The following MARK4 variants were observed in gnomAD, a reference collection of about 807,000 sequenced individuals.
MARK4 encodes microtubule affinity regulating kinase 4, also known as MAP/microtubule affinity-regulating kinase 4.
MARK4 carries 19 observed loss-of-function variants against 81.5 expected under a neutral mutation model. That is an observed-to-expected ratio of 0.23 (90% CI 0.16 to 0.34). MARK4 has a LOEUF of 0.34. MARK4 is among the 10% of genes least tolerant of loss of function. The pLI, the probability that MARK4 is intolerant of heterozygous loss-of-function variation, is 1.00. For synonymous variants in MARK4, 436 were observed against 439.0 expected (o/e 0.99, Z 0.08); for missense variants, 772 against 1,058.8 (o/e 0.73, Z 3.76).
rs1250225304 is a variant in MARK4, at chr19:45,291,634, T to C, written c.1495-2715T>C. 9.9e-5 allele frequency among the ~76,000 whole-genome samples: 15 copies of C among 152,034 alleles called. No individual in the cohort carries two copies. In the South Asian group the frequency reaches 2.3e-3, roughly 23 times the overall value. ...CATCTCTACTAAAAATACAAAAAAT[T>C]AGCCGGGCTTGGTGGCGGGCACCTG... On this transcript the variant is annotated intron_variant, in intron 13 of 16. Coordinates refer to ENST00000262891, the MANE Select transcript of MARK4 (RefSeq NM_001199867.2).
rs1314004277 is a variant in MARK4 at position 45,304,347 on chromosome 19, C to T, written c.*1637C>T. The T allele has an allele frequency of 6.6e-6, 1 of 152,234 alleles. No homozygotes were observed. Among genetic ancestry groups the T allele is most frequent in the African/African-American group, 2.4e-5 (1 of 41,448 alleles). 9.4% of individuals were successfully genotyped at this position (152,234 alleles called of 1,614,324 possible). ...ATTTTCTCTAAACCAATCACTGTGA[C>T]TCTAGAGTGGCCAGACTCAGAGCTG... On this transcript the variant is annotated 3_prime_UTR_variant, in exon 17 of 17. Coordinates refer to ENST00000262891, the MANE Select transcript of MARK4 (RefSeq NM_001199867.2).
rs1970994540 is a variant in MARK4 at position 45,302,703 on chromosome 19, A to T, written c.2252A>T (p.Glu751Val). ...TLVTRISNDL[E>V]L Reference sequence around the variant, plus strand: ...GTCACCCGCATCTCCAACGACCTCGAGCTCTGAGCCACCACGGTCCCAGGG... The same window carrying T: ...GTCACCCGCATCTCCAACGACCTCGTGCTCTGAGCCACCACGGTCCCAGGG... Residue 751 changes from glutamate (E) to valine (V), a missense_variant, in exon 17 of 17, where the codon GAG (glutamate) becomes GTG (valine). Around this residue, in one of 3 missense-constraint regions of MARK4, gnomAD observed 548 missense variants for 624.3 expected, o/e 0.88. Transcript: ENST00000262891. This position sits in a 1 kb window ranked among gnomAD's most constrained non-coding sequence, Gnocchi z 4.9. 2 of 1,536,120 alleles carry T rather than the reference A, an allele frequency of 1.3e-6. No homozygotes were observed. Among genetic ancestry groups the T allele is most frequent in the Non-Finnish European group, 1.7e-6 (2 of 1,146,876 alleles).
intron 9 of MARK4, 71 bp downstream of exon 9, chr19:45,278,113 C>G: frequency 6.3e-7 from 1 of 1,582,102 alleles, no homozygotes; most frequent in South Asian, 1.1e-5. Context: ...CCTGCCCCCA[C>G]CCACAAAAGC....
At chr19:45,262,782 A>T (rs191894383) in intron 2 of MARK4, among the ~76,000 whole-genome samples, 6 of 152,282 alleles carry the variant, frequency 3.9e-5, no homozygotes, top group African/African-American at 1.4e-4. Flanking sequence ...CAAAGGAAGG[A>T]TATCCCAGGG....
chr19:45,266,107 G>T, intron 6 of MARK4, 118 bp from the exon 7 acceptor site: 1 of 1,012,774 alleles, frequency 9.9e-7, no homozygotes, highest in South Asian at 1.3e-5. Context: ...TGAGGCCCCA[G>T]ATCTCAGGCT....
intron 1 of MARK4, among the ~76,000 whole-genome samples, chr19:45,255,288 C>T (rs1370691257): frequency 1.3e-5 from 2 of 151,740 alleles, no homozygotes; most frequent in African/African-American, 2.4e-5. Context: ...CTATCGGGCA[C>T]GGTGGCTCAT....
intron 1 of MARK4, among the ~76,000 whole-genome samples, chr19:45,252,896 TTC>T (rs1970262494): frequency 6.6e-6 from 1 of 151,940 alleles, no homozygotes; most frequent in African/African-American, 2.4e-5. Flanking sequence ...AGAAGCCCCC[TTC>T]TCTGATTCCT....
At chr19:45,272,792 G>T (rs959325742) in intron 8 of MARK4, among the ~76,000 whole-genome samples, 6 of 152,120 alleles carry the variant, frequency 3.9e-5, no homozygotes, top group Non-Finnish European at 8.8e-5. Context: ...AGAGGCTGAG[G>T]CAGGAGAATC....
At chr19:45,258,155 TG>T (rs1970333520) in intron 1 of MARK4, among the ~76,000 whole-genome samples, 1 of 152,052 alleles carries the variant, frequency 6.6e-6, no homozygotes, top group Middle Eastern at 3.4e-3. Flanking sequence ...GGCTAATTTT[TG>T]TATTTTTTTA....
chr19:45,276,471 G>A (rs1970598758), intron 8 of MARK4, among the ~76,000 whole-genome samples: 1 of 152,176 alleles, frequency 6.6e-6, no homozygotes, highest in African/African-American at 2.4e-5. Flanking sequence ...ATGGCCTTGA[G>A]GAGTGTGTCT....
At position 45,294,259 on chromosome 19, in the gene MARK4, C is replaced by T. The variant is rs937759955; in HGVS notation, c.1495-90C>T. 4.1e-5 allele frequency: 50 copies of T among 1,230,896 alleles called. No homozygotes were observed. The South Asian group carries it at 6.1e-4, about 15-fold the overall frequency. 76.2% of individuals were successfully genotyped at this position (1,230,896 alleles called of 1,614,324 possible). A position where few individuals can be genotyped will look rare whatever the true frequency, so the allele number is the denominator to read the frequency against. ...TTCCCACATGAGCCCCTGACTTATT[C>T]ATCGATGGGGAGGGCAGAGAAGGGA... On this transcript the variant is annotated intron_variant, in intron 13 of 16. Transcript: ENST00000262891.
intron 15 of MARK4, among the ~76,000 whole-genome samples, 165 bp from the exon 16 acceptor site, chr19:45,299,646 C>T (rs1970940641): frequency 2.0e-5 from 3 of 152,138 alleles, no homozygotes; most frequent in Admixed American, 1.3e-4. Context: ...GAATGAGCCC[C>T]GTTATGGGGA....
In MARK4 at chr19:45,299,809, A is replaced by G. The variant is rs1162575566; in HGVS notation, c.1878-2A>G. ...ACACTCTGTCCCCCTCCCCTCCCCTAGGGTCGCAGACGAACCTGAGAGAAT... is the reference window on the plus strand; with the variant it reads ...ACACTCTGTCCCCCTCCCCTCCCCTGGGGTCGCAGACGAACCTGAGAGAAT... On this transcript the variant is annotated splice_acceptor_variant, in intron 15 of 16. Transcript: ENST00000262891. LOFTEE classifies it high-confidence loss of function. The G allele has an allele frequency of 6.2e-7, 1 of 1,602,200 alleles. No individual in the cohort carries two copies. The highest frequency in any genetic ancestry group is 1.7e-5 in the Admixed American group (1 of 59,560).
chr19:45,255,009 C>T (rs146409188), intron 1 of MARK4, among the ~76,000 whole-genome samples: 35 of 152,162 alleles, frequency 2.3e-4, no homozygotes, highest in South Asian at 1.5e-3. Context: ...AAGACTAGCC[C>T]GGACAACATA....
Position 45,297,772 on chromosome 19 carries a change from C to T in MARK4, c.1695C>T (p.Ile565=). 1 of 1,582,436 alleles carries T rather than the reference C, an allele frequency of 6.3e-7. No individual in the cohort carries two copies. Among genetic ancestry groups the T allele is most frequent in the Non-Finnish European group, 8.6e-7 (1 of 1,167,110 alleles). ...ERSRLARGST[I]RSTFHGGQVR... Reference sequence around the variant, plus strand: ...GCCGCCTGGCACGTGGTTCCACCATCCGCAGCACCTTCCATGGTGGCCAGG... The same window carrying T: ...GCCGCCTGGCACGTGGTTCCACCATTCGCAGCACCTTCCATGGTGGCCAGG... Residue 565 remains isoleucine (I), a synonymous_variant, in exon 15 of 17, where the codon ATC becomes ATT. Coordinates refer to ENST00000262891, the MANE Select transcript of MARK4 (RefSeq NM_001199867.2).
chr19:45,289,118 G>A (rs11667752), intron 13 of MARK4, among the ~76,000 whole-genome samples: 4,033 of 151,660 alleles, frequency 0.027, 70 homozygotes, highest in Non-Finnish European at 0.04. Context: ...TGCCAGGCGC[G>A]GTGGCTCACG....
intron 12 of MARK4, among the ~76,000 whole-genome samples, chr19:45,282,410 G>C (rs1970687565): frequency 6.6e-6 from 1 of 151,922 alleles, no homozygotes; most frequent in Non-Finnish European, 1.5e-5. Flanking sequence ...GCACAATTCA[G>C]GCCGGGCATG....
Position 45,271,822 on chromosome 19 carries a change from T to C in MARK4, c.786+114T>C. On this transcript the variant is annotated intron_variant, in intron 8 of 16. Coordinates refer to ENST00000262891, the MANE Select transcript of MARK4 (RefSeq NM_001199867.2). This position sits in a 1 kb window ranked among gnomAD's most constrained non-coding sequence, Gnocchi z 4.1. ...GTGGTGGGACTGGCCTGAGTTCTCA[T>C]GGGAAGATGGGGGATGGGCAGGATT... The C allele has an allele frequency of 1.0e-6, 1 of 987,282 alleles. No homozygotes were observed. The highest frequency in any genetic ancestry group is 1.5e-6 in the Non-Finnish European group (1 of 662,780). 61.2% of individuals were successfully genotyped at this position (987,282 alleles called of 1,614,324 possible).
In MARK4 at chr19:45,299,793, CCCCCT is replaced by C; in HGVS notation, c.1878-7_1878-3del. On this transcript the variant is annotated splice_polypyrimidine_tract_variant and intron_variant, in intron 15 of 16. Transcript: ENST00000262891. ...CCTATGTCCAGATTAGACACTCTGT[CCCCCT>C]CCCCTCCCCTAGGGTCGCAGACGAA... The C allele has an allele frequency of 3.1e-6, 5 of 1,589,402 alleles. No homozygotes were observed. The highest frequency in any genetic ancestry group is 3.4e-6 in the Non-Finnish European group (4 of 1,163,624).
Sources: allele counts gnomAD v4.1 joint callset (sites outside exome capture counted in the v4.1 genomes callset), GRCh38; gene constraint gnomAD v4.1.1; regional missense constraint gnomAD v4.1.1; non-coding constraint Gnocchi (gnomAD v3.1); transcripts MANE v1.5; gene names NCBI Gene and HGNC (gene_info 2026-07-23, HGNC 2026-07-21).